WWOX: variants seen among roughly 807,000 people sequenced by gnomAD.
The protein encoded by WWOX is WW domain-containing oxidoreductase.
WWOX carries 69 observed loss-of-function variants against 46.2 expected under a neutral mutation model. The ratio of observed to expected loss-of-function variants is 1.49; its 90% CI spans 1.23 to 1.82. The LOEUF is 1.82. WWOX is among the 40% of genes most tolerant of loss of function. The pLI is 0.00. For missense variants in WWOX, 919 were observed against 542.6 expected, an observed-to-expected ratio of 1.69 and a Z score of -6.89; for synonymous variants, 359 against 202.6, an observed-to-expected ratio of 1.77 and a Z score of -6.56.
chr16:79,041,618 G>A (rs1432852075), intron 8 of WWOX, among the ~76,000 whole-genome samples: 1 of 152,140 alleles, frequency 6.6e-6, no homozygotes, highest in African/African-American at 2.4e-5. Flanking sequence ...AGAATTCCAA[G>A]TGACTGGGGT....
intron 8 of WWOX, among the ~76,000 whole-genome samples, chr16:78,968,771 A>T (rs953043829): frequency 6.6e-6 from 1 of 152,178 alleles, no homozygotes; most frequent in Admixed American, 6.5e-5. Context: ...GTGAAGATTA[A>T]AGCTATTGGA....
intron 8 of WWOX, among the ~76,000 whole-genome samples, chr16:79,209,960 A>G (rs1163049282): frequency 1.3e-5 from 2 of 152,236 alleles, no homozygotes; most frequent in Admixed American, 6.5e-5. Flanking sequence ...ATCCAGGATA[A>G]TATCTGGCTA....
chr16:78,939,148 C>G (rs2045801798), intron 8 of WWOX, among the ~76,000 whole-genome samples: 1 of 152,170 alleles, frequency 6.6e-6, no homozygotes, highest in African/African-American at 2.4e-5. Context: ...AAGTCACGTC[C>G]ATGTTGCTAT....
chr16:79,125,510 A>C (rs1323295079), intron 8 of WWOX, among the ~76,000 whole-genome samples: 2 of 152,224 alleles, frequency 1.3e-5, no homozygotes, highest in African/African-American at 4.8e-5. Flanking sequence ...GCCCAGGCTC[A>C]AATGATAGAC....
At chr16:78,148,933 G>A (rs1409201732) in intron 4 of WWOX, among the ~76,000 whole-genome samples, 1 of 138,360 alleles carries the variant, frequency 7.2e-6, no homozygotes, top group African/African-American at 2.7e-5. Flanking sequence ...AAAGTGCCAT[G>A]TATATTTTGA....
At chr16:79,191,392 A>G (rs926121192) in intron 8 of WWOX, among the ~76,000 whole-genome samples, 6 of 152,246 alleles carry the variant, frequency 3.9e-5, no homozygotes, top group African/African-American at 7.2e-5. Context: ...GGCCACCGAG[A>G]TAGTAAGTGG....
chr16:79,009,136 A>T (rs753770174), intron 8 of WWOX, among the ~76,000 whole-genome samples: 11 of 152,206 alleles, frequency 7.2e-5, no homozygotes, highest in Non-Finnish European at 1.2e-4. Flanking sequence ...TTAATGGATG[A>T]TCATCTTCCC....
At chr16:78,711,661 CA>C (rs1480566161) in intron 8 of WWOX, among the ~76,000 whole-genome samples, 1 of 152,110 alleles carries the variant, frequency 6.6e-6, no homozygotes, top group Non-Finnish European at 1.5e-5. Flanking sequence ...TTGAGACGAA[CA>C]GGCCAAATGA....
intron 8 of WWOX, among the ~76,000 whole-genome samples, chr16:78,699,089 G>T (rs2048159140): frequency 6.6e-6 from 1 of 152,072 alleles, no homozygotes; most frequent in Non-Finnish European, 1.5e-5. Context: ...CTCTAACTTT[G>T]TATGAAAGTA....
intron 8 of WWOX, among the ~76,000 whole-genome samples, chr16:79,066,299 T>C (rs538035636): frequency 2.0e-5 from 3 of 152,324 alleles, no homozygotes; most frequent in African/African-American, 7.2e-5. Flanking sequence ...TCCCGCACAC[T>C]GAGCACAGGC....
chr16:78,715,759 G>A (rs530120767), intron 8 of WWOX, among the ~76,000 whole-genome samples: 1 of 152,152 alleles, frequency 6.6e-6, no homozygotes, highest in African/African-American at 2.4e-5. Context: ...TTACAGGCAT[G>A]AGCCACCGTG....
At position 78,703,915 on chromosome 16, in the gene WWOX, T is replaced by A. The variant is rs567073747; in HGVS notation, c.1056+271163T>A. Among the ~76,000 whole-genome samples, 3 of 152,268 alleles carry A rather than the reference T, an allele frequency of 2.0e-5. No homozygotes were observed. The South Asian group carries it at 6.2e-4, about 32-fold the overall frequency. On this transcript the variant is annotated intron_variant, in intron 8 of 8. Transcript: ENST00000566780. The stretch of plus-strand genomic sequence containing the variant: ...CAGTGGGAAAGAGTTTTGGAACTTA[T>A]TATTTTTAAAAACTTGGTAAAAGAT...
chr16:79,079,815 G>T (rs544964926), intron 8 of WWOX, among the ~76,000 whole-genome samples: 1 of 152,160 alleles, frequency 6.6e-6, no homozygotes, highest in East Asian at 1.9e-4. Context: ...AAAGGAGAGA[G>T]GGTTGGACAC....
At chr16:79,179,543 T>C (rs997624924) in intron 8 of WWOX, among the ~76,000 whole-genome samples, 2 of 152,232 alleles carry the variant, frequency 1.3e-5, no homozygotes, top group South Asian at 4.1e-4. Context: ...CTAGCTAAAA[T>C]GAAGGCAACA....
intron 8 of WWOX, among the ~76,000 whole-genome samples, chr16:79,020,892 A>T (rs931027385): frequency 6.6e-6 from 1 of 151,686 alleles, no homozygotes; most frequent in Admixed American, 6.6e-5. Context: ...CTGTTTATAG[A>T]TTTTTTTTTA....
intron 8 of WWOX, among the ~76,000 whole-genome samples, chr16:79,128,319 G>A (rs74512352): frequency 7.1e-6 from 1 of 140,600 alleles, no homozygotes; most frequent in African/African-American, 2.8e-5. Flanking sequence ...TTAGTACAAC[G>A]TCCCCTAATA....
chr16:78,367,722 G>A (rs1428118321), intron 5 of WWOX, among the ~76,000 whole-genome samples: 2 of 152,046 alleles, frequency 1.3e-5, no homozygotes, highest in African/African-American at 2.4e-5. Flanking sequence ...CACAATGGAC[G>A]GAGAACTACC....
intron 8 of WWOX, among the ~76,000 whole-genome samples, chr16:78,617,572 TTGTG>T (rs1422252981): frequency 6.6e-6 from 1 of 152,146 alleles, no homozygotes; most frequent in East Asian, 1.9e-4. Flanking sequence ...GAGGACGTGC[TTGTG>T]TGTGTTCTGA....
chr16:78,768,597 A>G (rs1237010489), intron 8 of WWOX, among the ~76,000 whole-genome samples: 3 of 151,942 alleles, frequency 2.0e-5, no homozygotes, highest in African/African-American at 4.8e-5. Context: ...CTCGAGGAAA[A>G]AAAAAAAAAA....
Sources: gnomAD v4.1 joint callset for allele counts (sites outside exome capture counted in the v4.1 genomes callset) on GRCh38, gnomAD v4.1.1 for gene constraint, MANE v1.5 for transcripts, NCBI Gene and HGNC (gene_info 2026-07-23, HGNC 2026-07-21) for gene names.